PDE1C: variants seen among roughly 807,000 people sequenced by gnomAD.
PDE1C encodes phosphodiesterase 1C.
In PDE1C, 62 loss-of-function variants were observed where a neutral mutation model predicts 93.1. That is an observed-to-expected ratio of 0.67 (90% CI 0.54 to 0.82). The LOEUF (loss-of-function observed/expected upper bound fraction) is 0.82, where lower values mean the gene tolerates loss of function less well. Among genes scored for constraint, PDE1C ranks in the 40% least tolerant of loss-of-function variants. PDE1C has a pLI of 0.00. For missense variants in PDE1C, 742 were observed against 884.6 expected (o/e 0.84, Z 2.04); for synonymous variants, 325 against 310.1 (o/e 1.05, Z -0.50).
At chr7:32,082,196 C>T (rs1796712533) in intron 3 of PDE1C, among the ~76,000 whole-genome samples, 1 of 152,266 alleles carries the variant, frequency 6.6e-6, no homozygotes, top group African/African-American at 2.4e-5. Flanking sequence ...AAAAACGGTG[C>T]ACCAGGAGAT....
chr7:32,341,179 T>TTTTTTC (rs1783743498), intron 1 of PDE1C, among the ~76,000 whole-genome samples: 1 of 111,498 alleles, frequency 9.0e-6, no homozygotes, highest in South Asian at 3.8e-4. Flanking sequence ...AAGTCTTTTT[T>TTTTTTC]TTTTTTTTTT....
chr7:32,128,763 C>A (rs1327855392), intron 3 of PDE1C, among the ~76,000 whole-genome samples: 1 of 150,732 alleles, frequency 6.6e-6, no homozygotes, highest in Non-Finnish European at 1.5e-5. Context: ...AAGAAGAGGT[C>A]TTTGATAAGG....
rs1461935848 is a variant in PDE1C, at chr7:32,419,245, T to G, written c.310+8577A>C. ...GGAAGAAAGAGCCTGTTACTGAATTTAGACTTCTACTTTAATTCATATATT... is the reference window on the plus strand; with the variant it reads ...GGAAGAAAGAGCCTGTTACTGAATTGAGACTTCTACTTTAATTCATATATT... On this transcript the variant is annotated intron_variant, in intron 1 of 1. Coordinates refer to the PDE1C transcript ENST00000672256. Among the ~76,000 whole-genome samples the G allele has an allele frequency of 3.3e-5, 5 of 152,212 alleles. No individual in the cohort carries two copies. The East Asian group carries it at 9.6e-4, about 29-fold the overall frequency.
chr7:32,297,448 T>C (rs1365863382), intron 1 of PDE1C, among the ~76,000 whole-genome samples: 3 of 152,128 alleles, frequency 2.0e-5, no homozygotes, highest in Admixed American at 6.5e-5. Context: ...ATCCTGCTGT[T>C]CTCCAAAGGC....
intron 3 of PDE1C, among the ~76,000 whole-genome samples, chr7:32,109,362 G>A (rs1398873518): frequency 6.6e-6 from 1 of 152,128 alleles, no homozygotes; most frequent in Non-Finnish European, 1.5e-5. Context: ...GGGAAGAGAT[G>A]GCAAAATAGA....
intron 2 of PDE1C, among the ~76,000 whole-genome samples, chr7:31,907,597 A>C (rs1194413610): frequency 6.6e-6 from 1 of 152,174 alleles, no homozygotes; most frequent in Non-Finnish European, 1.5e-5. Flanking sequence ...CCTCCCTTTC[A>C]TTTCATTCTT....
chr7:31,734,192 C>A, the PDE1C span, among the ~76,000 whole-genome samples: 1 of 152,052 alleles, frequency 6.6e-6, no homozygotes, highest in African/African-American at 2.4e-5. Context: ...ACACACAGCC[C>A]CTGCCCTGGA....
intron 17 of PDE1C, among the ~76,000 whole-genome samples, chr7:31,756,205 C>T (rs935070542): frequency 5.9e-5 from 9 of 152,012 alleles, no homozygotes; most frequent in Admixed American, 5.2e-4. Flanking sequence ...AAAAGAGTAA[C>T]TTTATATAGA....
At chr7:31,899,270 C>T (rs1799686364) in intron 2 of PDE1C, among the ~76,000 whole-genome samples, 1 of 151,572 alleles carries the variant, frequency 6.6e-6, no homozygotes, top group South Asian at 2.1e-4. Flanking sequence ...TCCCGAGTAG[C>T]TGGGACTACA....
chr7:32,104,245 CAGAACT>C (rs1275116903), intron 3 of PDE1C, among the ~76,000 whole-genome samples: 1 of 151,954 alleles, frequency 6.6e-6, no homozygotes, highest in Non-Finnish European at 1.5e-5. Context: ...AAGTTCGGAC[CAGAACT>C]AGAGAGAATA....
At chr7:32,100,218 G>A (rs1341311966) in intron 3 of PDE1C, among the ~76,000 whole-genome samples, 1 of 152,080 alleles carries the variant, frequency 6.6e-6, no homozygotes, top group East Asian at 1.9e-4. Flanking sequence ...ATTTCTATAT[G>A]TCCCAACAAA....
At chr7:32,238,196 C>T (rs34058544) in intron 1 of PDE1C, among the ~76,000 whole-genome samples, 15,996 of 152,226 alleles carry the variant, frequency 0.11, 900 homozygotes, top group East Asian at 0.13. Flanking sequence ...TGTTCCTTTA[C>T]ACCACCAATG....
chr7:32,288,013 G>A (rs984880634), intron 1 of PDE1C, among the ~76,000 whole-genome samples: 20 of 152,160 alleles, frequency 1.3e-4, no homozygotes, highest in African/African-American at 4.6e-4. Flanking sequence ...GACCAGCCTG[G>A]CTAACATGGT....
intron 2 of PDE1C, among the ~76,000 whole-genome samples, chr7:31,933,356 T>A (rs1256981741): frequency 6.6e-6 from 1 of 152,214 alleles, no homozygotes; most frequent in Non-Finnish European, 1.5e-5. Flanking sequence ...CCTAAGTATT[T>A]ATTTCTGGAA....
chr7:31,695,424 TA>T, the PDE1C span: 1 of 1,537,574 alleles, frequency 6.5e-7, no homozygotes, highest in South Asian at 1.3e-5. Context: ...ACTGGATCCT[TA>T]ATCATGTTAT....
At chr7:32,345,404 A>G (rs1179677989) in intron 1 of PDE1C, among the ~76,000 whole-genome samples, 1 of 152,234 alleles carries the variant, frequency 6.6e-6, no homozygotes, top group Non-Finnish European at 1.5e-5. Flanking sequence ...GCGAGTGGCA[A>G]CTGCCACCGT....
the PDE1C span, among the ~76,000 whole-genome samples, chr7:31,703,494 T>C: frequency 6.6e-6 from 1 of 152,328 alleles, no homozygotes; most frequent in African/African-American, 2.4e-5. Flanking sequence ...ATTATGGAAT[T>C]CCTTGAATCA....
intron 7 of PDE1C, among the ~76,000 whole-genome samples, chr7:31,857,700 A>G (rs1794195598): frequency 6.6e-6 from 1 of 152,160 alleles, no homozygotes; most frequent in African/African-American, 2.4e-5. Context: ...TTCACTTACA[A>G]ATATGTTCCA....
chr7:31,801,186 A>C (rs548363349), intron 16 of PDE1C, among the ~76,000 whole-genome samples: 1 of 151,460 alleles, frequency 6.6e-6, no homozygotes, highest in African/African-American at 2.4e-5. Context: ...AGAAAATATT[A>C]ATGGTGATGA....
Sources: allele counts gnomAD v4.1 joint callset (sites outside exome capture counted in the v4.1 genomes callset), GRCh38; gene constraint gnomAD v4.1.1; transcripts MANE v1.5; gene names NCBI Gene and HGNC (gene_info 2026-07-23, HGNC 2026-07-21).